SEMA3A: variants seen among roughly 807,000 people sequenced by gnomAD.
The protein encoded by SEMA3A is semaphorin-3A.
SEMA3A carries 29 observed loss-of-function variants against 97.9 expected under a neutral mutation model. That is an observed-to-expected ratio of 0.30 (90% CI 0.22 to 0.40). The LOEUF is 0.40. SEMA3A is among the 10% of genes least tolerant of loss of function. The pLI is 1.00. For synonymous variants in SEMA3A, 321 were observed against 323.7 expected (o/e 0.99, Z 0.09); for missense variants, 763 against 951.3 (o/e 0.80, Z 2.60).
intron 2 of SEMA3A, among the ~76,000 whole-genome samples, chr7:84,349,813 T>C (rs1007466944): frequency 3.3e-5 from 5 of 152,184 alleles, no homozygotes; most frequent in African/African-American, 4.8e-5. Flanking sequence ...GTCTTTTTTT[T>C]CCACTTTTTC....
intron 1 of SEMA3A, among the ~76,000 whole-genome samples, chr7:84,468,692 G>T (rs1397926707): frequency 1.3e-5 from 2 of 152,090 alleles, no homozygotes; most frequent in East Asian, 3.9e-4. Context: ...ATTAAAAATA[G>T]GTGTGAGACA....
intron 1 of SEMA3A, among the ~76,000 whole-genome samples, chr7:84,433,734 C>T (rs1011630894): frequency 3.9e-5 from 6 of 152,256 alleles, no homozygotes; most frequent in African/African-American, 1.4e-4. Flanking sequence ...TCCTCTACAG[C>T]ATCTGTTGTT....
chr7:84,288,185 A>G (rs968587867), intron 3 of SEMA3A, among the ~76,000 whole-genome samples: 30 of 152,100 alleles, frequency 2.0e-4, no homozygotes, highest in Non-Finnish European at 3.5e-4. Context: ...TCCTGGGCTC[A>G]GAAGATCTTT....
chr7:84,310,335 G>A (rs1333313025), intron 2 of SEMA3A, among the ~76,000 whole-genome samples: 2 of 150,784 alleles, frequency 1.3e-5, no homozygotes, highest in East Asian at 1.9e-4. Context: ...AGCAGGTACC[G>A]GCAGATACAA....
intron 3 of SEMA3A, among the ~76,000 whole-genome samples, chr7:84,303,899 T>C (rs1029988221): frequency 6.6e-6 from 1 of 152,172 alleles, no homozygotes; most frequent in African/African-American, 2.4e-5. Flanking sequence ...TTTTCAATTA[T>C]GTGTGGGTTT....
At position 84,447,196 on chromosome 7, in the gene SEMA3A, C is replaced by A. The variant is rs771957953; in HGVS notation, c.-246+45264G>T. On this transcript the variant is annotated intron_variant, in intron 1 of 3. Coordinates refer to the SEMA3A transcript ENST00000424555. Reference sequence around the variant, plus strand: ...ATGCCCTCTGGTCTTTGAGTGCTGACGAGTATGGGAGGCGCGACCAATGGG... The same window carrying A: ...ATGCCCTCTGGTCTTTGAGTGCTGAAGAGTATGGGAGGCGCGACCAATGGG... 2.0e-5 allele frequency among the ~76,000 whole-genome samples: 3 copies of A among 152,274 alleles called. No homozygotes were observed. The East Asian group carries it at 5.8e-4, about 29-fold the overall frequency.
Position 83,982,526 on chromosome 7 carries a change from C to T in SEMA3A, c.1495-1048G>A, listed in dbSNP as rs537454680. Among the ~76,000 whole-genome samples, 12 of 152,248 alleles carry T rather than the reference C, an allele frequency of 7.9e-5. No individual in the cohort carries two copies. In the South Asian group the frequency reaches 2.3e-3, roughly 29 times the overall value. ...ATTTACTGTTATTGGCACCATAGCT[C>T]TCTTTTCTTGCACTAGAGGATTCAA... On this transcript the variant is annotated intron_variant, in intron 13 of 16. Coordinates refer to ENST00000265362, the MANE Select transcript of SEMA3A (RefSeq NM_006080.3).
chr7:84,275,154 T>C, intron 3 of SEMA3A, among the ~76,000 whole-genome samples: 1 of 152,128 alleles, frequency 6.6e-6, no homozygotes. Flanking sequence ...GCAAAAATAT[T>C]TTATAGCCTC....
intron 2 of SEMA3A, among the ~76,000 whole-genome samples, chr7:84,310,949 A>T (rs1249888871): frequency 6.6e-6 from 1 of 151,638 alleles, no homozygotes; most frequent in Non-Finnish European, 1.5e-5. Flanking sequence ...TTAAGGTTTA[A>T]TTTCATTTAC....
chr7:84,354,508 T>C (rs1802510779), intron 2 of SEMA3A, among the ~76,000 whole-genome samples: 1 of 151,618 alleles, frequency 6.6e-6, no homozygotes, highest in South Asian at 2.1e-4. Flanking sequence ...GAATAGATTA[T>C]TTTAGGAGAA....
intron 1 of SEMA3A, among the ~76,000 whole-genome samples, chr7:84,462,382 A>G (rs1017268223): frequency 6.6e-6 from 1 of 152,188 alleles, no homozygotes; most frequent in Non-Finnish European, 1.5e-5. Context: ...AACAACTGTG[A>G]CTTCTGGAGT....
intron 1 of SEMA3A, among the ~76,000 whole-genome samples, chr7:84,408,507 T>C (rs1363776850): frequency 1.3e-5 from 2 of 151,946 alleles, no homozygotes; most frequent in African/African-American, 2.4e-5. Flanking sequence ...GATCTAGAAC[T>C]AGAAATACCA....
chr7:84,177,822 C>T (rs557319909), intron 1 of SEMA3A, among the ~76,000 whole-genome samples: 1 of 152,090 alleles, frequency 6.6e-6, no homozygotes, highest in Admixed American at 6.5e-5. Context: ...GATTTACTTC[C>T]ACCCCTTTAA....
At chr7:84,102,958 G>C (rs3823911) in intron 4 of SEMA3A, among the ~76,000 whole-genome samples, 1 of 151,222 alleles carries the variant, frequency 6.6e-6, no homozygotes, top group Non-Finnish European at 1.5e-5. Context: ...TTGTATGGGG[G>C]TTTTTTTTGA....
chr7:83,998,869 C>G (rs1226460691), intron 12 of SEMA3A, among the ~76,000 whole-genome samples: 2 of 152,074 alleles, frequency 1.3e-5, no homozygotes, highest in Non-Finnish European at 2.9e-5. Context: ...TAAGGATCAT[C>G]AATATCTGTG....
At chr7:84,219,892 T>C (rs1798837744) in intron 3 of SEMA3A, among the ~76,000 whole-genome samples, 1 of 152,168 alleles carries the variant, frequency 6.6e-6, no homozygotes, top group South Asian at 2.1e-4. Flanking sequence ...CTTGACTTAA[T>C]GTTGACGGCT....
chr7:84,418,012 T>C (rs1041945386), intron 1 of SEMA3A, among the ~76,000 whole-genome samples: 6 of 152,142 alleles, frequency 3.9e-5, no homozygotes, highest in African/African-American at 1.4e-4. Flanking sequence ...ATTGATGTGA[T>C]TGTTAATATT....
intron 2 of SEMA3A, among the ~76,000 whole-genome samples, chr7:84,334,892 C>T (rs542731777): frequency 2.0e-5 from 3 of 150,998 alleles, no homozygotes; most frequent in African/African-American, 7.3e-5. Flanking sequence ...TCCCACGCCT[C>T]ATTTTCTACT....
chr7:84,079,820 A>T (rs1794086874), intron 4 of SEMA3A, among the ~76,000 whole-genome samples: 3 of 134,894 alleles, frequency 2.2e-5, no homozygotes, highest in Admixed American at 1.5e-4. Flanking sequence ...CTAGAACTAG[A>T]AATACCATTT....
Sources: gnomAD v4.1 joint callset for allele counts (sites outside exome capture counted in the v4.1 genomes callset) on GRCh38, gnomAD v4.1.1 for gene constraint, MANE v1.5 for transcripts, NCBI Gene and HGNC (gene_info 2026-07-23, HGNC 2026-07-21) for gene names.